Variants in CFAP54 observed in about 807,000 individuals in gnomAD.
CFAP54 encodes cilia- and flagella-associated protein 54.
In CFAP54, 290 loss-of-function variants were observed where a neutral mutation model predicts 370.4. The observed-to-expected ratio is 0.78, with a 90% confidence interval of 0.71 to 0.86. The LOEUF is 0.86. Ranked by LOEUF, CFAP54 falls within the 40% of genes least tolerant of loss-of-function variation. CFAP54 has a pLI of 0.00. For missense variants in CFAP54, 3,399 were observed against 3,528.7 expected (o/e 0.96, Z 0.93); for synonymous variants, 1,206 against 1,236.5 (o/e 0.98, Z 0.52).
intron 55 of CFAP54, among the ~76,000 whole-genome samples, chr12:96,751,064 ATTT>A (rs557730653): frequency 6.6e-6 from 1 of 152,094 alleles, no homozygotes; most frequent in Admixed American, 6.5e-5. Flanking sequence ...GCATTTAGAG[ATTT>A]TTTTATAAGA....
At chr12:96,860,612 T>C (rs2136463044) in intron 66 of CFAP54, among the ~76,000 whole-genome samples, 1 of 152,338 alleles carries the variant, frequency 6.6e-6, no homozygotes, top group African/African-American at 2.4e-5. Flanking sequence ...TCCATGTTTT[T>C]AGAAGTGTTT....
Position 96,581,085 on chromosome 12 carries a change from G to A in CFAP54, c.3055G>A (p.Ala1019Thr). 6.7e-7 allele frequency: 1 copy of A among 1,500,974 alleles called. No homozygotes were observed. Among genetic ancestry groups the A allele is most frequent in the Non-Finnish European group, 8.8e-7 (1 of 1,131,054 alleles). The allele number at this position is 1,500,974 out of a possible 1,614,324, so 93.0% of individuals were successfully genotyped here. ...TTATCCCCCTCTTTCTACTATTACT[G>A]CTCGGATGTTCCTGACACAGGTAGA... ...LVYPPLSTIT[A>T]RMFLTQVAYQ... The change falls in exon 22 of 68, where the codon GCT (alanine) becomes ACT (threonine). Residue 1019 changes from alanine (A) to threonine (T), a missense_variant. Coordinates refer to ENST00000524981, the MANE Select transcript of CFAP54 (RefSeq NM_001306084.2).
intron 34 of CFAP54, among the ~76,000 whole-genome samples, chr12:96,648,756 T>G (rs1956826753): frequency 1.3e-5 from 2 of 151,898 alleles, no homozygotes; most frequent in African/African-American, 4.8e-5. Context: ...GCCTGGCTAA[T>G]TTTTTGTATT....
At chr12:96,690,384 T>G (rs1385091091) in intron 43 of CFAP54, among the ~76,000 whole-genome samples, 1 of 152,204 alleles carries the variant, frequency 6.6e-6, no homozygotes, top group African/African-American at 2.4e-5. Flanking sequence ...CATTTGTCAT[T>G]AAGAAATTCT....
At chr12:96,828,876 G>C in intron 65 of CFAP54, 138 bp from the exon 66 acceptor site, 2 of 430,516 alleles carry the variant, frequency 4.6e-6, no homozygotes, top group Admixed American at 7.8e-5. Flanking sequence ...TATGATTTCT[G>C]AGCCCTCTGT....
Position 96,827,719 on chromosome 12 carries a change from T to C in CFAP54, c.9097-1295T>C, listed in dbSNP as rs1592791326. 3.1e-5 allele frequency among the ~76,000 whole-genome samples: 4 copies of C among 127,698 alleles called. No homozygotes were observed. In the South Asian group the frequency reaches 9.2e-4, roughly 29 times the overall value. 83.8% of individuals were successfully genotyped at this position (127,698 alleles called of 152,430 possible). ...ATATATTATATTATATATAATTATA[T>C]ATAATTATATTTAATATAATTATAT... On this transcript the variant is annotated intron_variant, in intron 65 of 67. Coordinates refer to ENST00000524981, the MANE Select transcript of CFAP54 (RefSeq NM_001306084.2).
chr12:96,722,122 C>A (rs565302439), intron 50 of CFAP54, among the ~76,000 whole-genome samples: 13 of 152,312 alleles, frequency 8.5e-5, no homozygotes, highest in African/African-American at 2.9e-4. Flanking sequence ...GGAACTCTTA[C>A]CTCAGTGCCA....
At chr12:96,733,242 G>A (rs955774260) in intron 50 of CFAP54, among the ~76,000 whole-genome samples, 1 of 152,154 alleles carries the variant, frequency 6.6e-6, no homozygotes, top group Non-Finnish European at 1.5e-5. Context: ...AGATGAATGA[G>A]TTTTTCTCAT....
chr12:96,660,642 T>A (rs1558978), intron 38 of CFAP54, among the ~76,000 whole-genome samples: 1 of 152,246 alleles, frequency 6.6e-6, no homozygotes, highest in African/African-American at 2.4e-5. Context: ...CACCAGATGT[T>A]TGGGGATTTC....
chr12:96,642,450 A>T (rs1956741613), intron 32 of CFAP54, among the ~76,000 whole-genome samples: 1 of 152,178 alleles, frequency 6.6e-6, no homozygotes, highest in African/African-American at 2.4e-5. Context: ...CTTATTGTCT[A>T]TCTAAACATA....
intron 14 of CFAP54, among the ~76,000 whole-genome samples, chr12:96,546,760 C>G (rs1387783725): frequency 6.7e-6 from 1 of 149,876 alleles, no homozygotes; most frequent in African/African-American, 2.4e-5. Context: ...AGCTGGGAGG[C>G]AGAGGTTACA....
chr12:96,539,624 G>A (rs1248258971), intron 13 of CFAP54, among the ~76,000 whole-genome samples: 3 of 151,696 alleles, frequency 2.0e-5, no homozygotes, highest in African/African-American at 4.8e-5. Context: ...GCAGTGAGCC[G>A]AGATCACACC....
chr12:96,648,502 C>CT (rs760597094), intron 34 of CFAP54, among the ~76,000 whole-genome samples: 3 of 150,946 alleles, frequency 2.0e-5, no homozygotes, highest in Non-Finnish European at 2.9e-5. Flanking sequence ...AAAGCTCACT[C>CT]TAAGATGAAT....
intron 39 of CFAP54, among the ~76,000 whole-genome samples, chr12:96,664,834 A>G (rs1331473786): frequency 2.2e-5 from 3 of 138,950 alleles, no homozygotes; most frequent in Non-Finnish European, 4.7e-5. Flanking sequence ...TGTATATCCC[A>G]TAATGGGATT....
intron 39 of CFAP54, among the ~76,000 whole-genome samples, chr12:96,667,537 G>T (rs147862272): frequency 6.6e-6 from 1 of 152,160 alleles, no homozygotes; most frequent in Non-Finnish European, 1.5e-5. Context: ...GCCATGGCCC[G>T]AGCTGTACCT....
intron 67 of CFAP54, among the ~76,000 whole-genome samples, chr12:96,863,309 C>T (rs1207088923): frequency 6.6e-6 from 1 of 152,170 alleles, no homozygotes; most frequent in East Asian, 1.9e-4. Flanking sequence ...CTTTCTGGAG[C>T]ATTTACCTGA....
chr12:96,524,431 A>G (rs1489050409), intron 8 of CFAP54, among the ~76,000 whole-genome samples: 1 of 152,200 alleles, frequency 6.6e-6, no homozygotes, highest in Admixed American at 6.5e-5. Context: ...GGTCCTCAGT[A>G]AATATTAGCT....
chr12:96,806,159 AATATATATATATATATATATATATATAT>A (rs548500750), intron 63 of CFAP54, among the ~76,000 whole-genome samples: 458 of 27,912 alleles, frequency 0.016, 33 homozygotes, highest in African/African-American at 0.047. Context: ...TCACTAGCCA[AATATATATATATATATATATATATATAT>A]ATATATATAT....
chr12:96,494,495 T>C (rs767127891), intron 1 of CFAP54, among the ~76,000 whole-genome samples: 45 of 151,850 alleles, frequency 3.0e-4, no homozygotes, highest in Admixed American at 7.9e-4. Context: ...GAGACAGGGT[T>C]TCACCATGTT....
Sources: allele counts gnomAD v4.1 joint callset (sites outside exome capture counted in the v4.1 genomes callset), GRCh38; gene constraint gnomAD v4.1.1; transcripts MANE v1.5; gene names NCBI Gene and HGNC (gene_info 2026-07-23, HGNC 2026-07-21).